The following CCDC7 variants were observed in gnomAD, a reference collection of about 807,000 sequenced individuals.
The protein encoded by CCDC7 is coiled-coil domain containing 7.
A neutral mutation model predicts 196.9 loss-of-function variants in CCDC7; 183 were observed. The observed-to-expected ratio is 0.93, with a 90% confidence interval of 0.82 to 1.05. The LOEUF is 1.05. CCDC7 is among the 50% of genes least tolerant of loss of function. The pLI is 0.00. For synonymous variants in CCDC7, 525 were observed against 484.6 expected (o/e 1.08, Z -1.10); for missense variants, 1,540 against 1,482.2 (o/e 1.04, Z -0.64).
intron 20 of CCDC7, among the ~76,000 whole-genome samples, chr10:32,646,439 C>T (rs2067781627): frequency 6.6e-6 from 1 of 151,794 alleles, no homozygotes; most frequent in East Asian, 1.9e-4. Flanking sequence ...TGTTTTGTCG[C>T]CTAATATATG....
At chr10:32,690,317 T>G (rs1269625080) in intron 23 of CCDC7, among the ~76,000 whole-genome samples, 1 of 152,212 alleles carries the variant, frequency 6.6e-6, no homozygotes. Flanking sequence ...CATTATGCAT[T>G]GATGACAGAT....
At position 32,743,488 on chromosome 10, in the gene CCDC7, G is replaced by A. The variant is rs527919948; in HGVS notation, c.2905+14031G>A. Among the ~76,000 whole-genome samples the A allele has an allele frequency of 5.9e-5, 9 of 152,286 alleles. No homozygotes were observed. The South Asian group carries it at 1.9e-3, about 32-fold the overall frequency. ...ACATGAAGTCCTTGCCCATGCCTAT[G>A]TCCTCAACGGTATTGCCTAGGTTTT... is the stretch of plus-strand genomic sequence containing the variant. On this transcript the variant is annotated intron_variant, in intron 28 of 41. Coordinates refer to ENST00000639629, the Ensembl canonical transcript of CCDC7.
chr10:32,834,226 C>A (rs2092430153), intron 32 of CCDC7, among the ~76,000 whole-genome samples: 1 of 152,068 alleles, frequency 6.6e-6, no homozygotes, highest in Non-Finnish European at 1.5e-5. Context: ...ACAATAATCA[C>A]TGCTGTCACA....
At chr10:32,741,114 T>C (rs1195168464) in intron 28 of CCDC7, among the ~76,000 whole-genome samples, 1 of 152,126 alleles carries the variant, frequency 6.6e-6, no homozygotes, top group Non-Finnish European at 1.5e-5. Flanking sequence ...AGAGAGATAC[T>C]GCTTAATATT....
At chr10:32,714,209 C>T (rs2081255195) in intron 25 of CCDC7, among the ~76,000 whole-genome samples, 1 of 152,128 alleles carries the variant, frequency 6.6e-6, no homozygotes, top group African/African-American at 2.4e-5. Flanking sequence ...CTCGGTTCGT[C>T]TCATTGGGAC....
chr10:32,588,513 A>G (rs188102085), intron 18 of CCDC7, among the ~76,000 whole-genome samples: 49 of 152,274 alleles, frequency 3.2e-4, no homozygotes, highest in African/African-American at 1.1e-3. Flanking sequence ...GATAAATCCT[A>G]CTTGGTCTTG....
chr10:32,830,481 C>G (rs2092049113), intron 32 of CCDC7, among the ~76,000 whole-genome samples: 1 of 151,734 alleles, frequency 6.6e-6, no homozygotes, highest in South Asian at 2.1e-4. Context: ...CAGGGAGCAA[C>G]TACAAAATAA....
At chr10:32,675,603 G>C (rs1035304349) in intron 21 of CCDC7, 2 of 152,236 alleles carry the variant, frequency 1.3e-5, no homozygotes, top group Non-Finnish European at 2.9e-5. Flanking sequence ...ACTTGCTAGT[G>C]ATATTTATAC....
intron 18 of CCDC7, among the ~76,000 whole-genome samples, chr10:32,607,976 T>C (rs988112316): frequency 6.6e-6 from 1 of 152,168 alleles, no homozygotes; most frequent in Admixed American, 6.5e-5. Context: ...TTATTACTGA[T>C]TTAATTTTAT....
At chr10:32,556,130 T>A in intron 13 of CCDC7, among the ~76,000 whole-genome samples, 1 of 152,294 alleles carries the variant, frequency 6.6e-6, no homozygotes, top group East Asian at 1.9e-4. Context: ...ATGGGAGCTA[T>A]TGTGAAGAAT....
chr10:32,730,049 T>C (rs2083693836), intron 28 of CCDC7, among the ~76,000 whole-genome samples: 3 of 152,284 alleles, frequency 2.0e-5, no homozygotes, highest in South Asian at 2.1e-4. Flanking sequence ...GTTTGTTACA[T>C]AGGTAAATGT....
chr10:32,871,800 G>A (rs11498296), intron 41 of CCDC7, among the ~76,000 whole-genome samples: 13,684 of 150,288 alleles, frequency 0.091, 715 homozygotes, highest in South Asian at 0.26. Context: ...GGTATGTTGT[G>A]TCTTTGTTCT....
rs1438594943 is a variant in CCDC7, at chr10:32,459,111, C to A, written c.456+2777C>A. On this transcript the variant is annotated intron_variant, in intron 3 of 41. Transcript: ENST00000639629. ...TTTTTCAGCTAGTATATAAACATGC[C>A]ACTGATTTTTATATGTTGATTTTAT... Among the ~76,000 whole-genome samples the A allele has an allele frequency of 2.0e-5, 3 of 151,800 alleles. No homozygotes were observed. The East Asian group carries it at 5.8e-4, about 29-fold the overall frequency.
chr10:32,711,318 A>AG (rs2080802967), intron 24 of CCDC7, among the ~76,000 whole-genome samples: 1 of 152,068 alleles, frequency 6.6e-6, no homozygotes, highest in East Asian at 1.9e-4. Flanking sequence ...CCTTGAACAT[A>AG]TGCATTTTCA....
Position 32,711,759 on chromosome 10 carries a change from A to G in CCDC7, c.2569+29A>G, listed in dbSNP as rs752237621. 8 of 1,320,834 alleles carry G rather than the reference A, an allele frequency of 6.1e-6. No individual in the cohort carries two copies. The African/African-American group carries it at 6.2e-5, about 10-fold the overall frequency. The allele number at this position is 1,320,834 out of a possible 1,614,324, so 81.8% of individuals were successfully genotyped here. On this transcript the variant is annotated intron_variant, in intron 25 of 41. Coordinates refer to ENST00000639629, the Ensembl canonical transcript of CCDC7. ...AGTATAATGATGATAGCTATTTTAT[A>G]TTATTTTAAGTAAATCTCAAAAGAA...
In CCDC7 at chr10:32,581,942, A is replaced by G. The variant is rs140410788; in HGVS notation, c.1455-1092A>G. Among the ~76,000 whole-genome samples, 675 of 151,858 alleles carry G rather than the reference A, an allele frequency of 4.4e-3. 4 individuals are homozygous for G. Among genetic ancestry groups the G allele is most frequent in the African/African-American group, 0.015 (612 of 41,452 alleles). On this transcript the variant is annotated intron_variant, in intron 16 of 41. Transcript: ENST00000639629. ...TTTAGAACTAATCATCTTAAATTCA[A>G]ACACCTAATAGAACTAATAAATCAG...
chr10:32,588,904 T>C (rs2059539365), intron 18 of CCDC7, among the ~76,000 whole-genome samples: 1 of 152,096 alleles, frequency 6.6e-6, no homozygotes, highest in Admixed American at 6.6e-5. Context: ...GTGTATATAT[T>C]TATGGGGAAT....
intron 21 of CCDC7, among the ~76,000 whole-genome samples, chr10:32,668,692 G>C (rs1036867841): frequency 1.3e-5 from 2 of 152,056 alleles, no homozygotes; most frequent in Non-Finnish European, 2.9e-5. Context: ...TGTGTATGTT[G>C]AACCAGCCTT....
intron 18 of CCDC7, 81 bp from the exon 20 acceptor site, chr10:32,634,173 C>T: frequency 3.9e-6 from 2 of 513,832 alleles, no homozygotes; most frequent in Non-Finnish European, 6.0e-6. Flanking sequence ...CTGCTGTGTA[C>T]ATGTTTAAAA....
Sources: gnomAD v4.1 joint callset for allele counts (sites outside exome capture counted in the v4.1 genomes callset) on GRCh38, gnomAD v4.1.1 for gene constraint, MANE v1.5 for transcripts, NCBI Gene and HGNC (gene_info 2026-07-23, HGNC 2026-07-21) for gene names.